SYNPO2: variants seen among roughly 807,000 people sequenced by gnomAD.
The protein encoded by SYNPO2 is synaptopodin 2, also known as synaptopodin-2.
SYNPO2 carries 56 observed loss-of-function variants against 85.0 expected under a neutral mutation model. The ratio of observed to expected loss-of-function variants is 0.66; its 90% CI spans 0.53 to 0.82. The LOEUF (loss-of-function observed/expected upper bound fraction) is 0.82. Ranked by LOEUF, SYNPO2 falls within the 40% of genes least tolerant of loss-of-function variation. SYNPO2 has a pLI of 0.00. For missense variants in SYNPO2, 1,575 were observed against 1,534.2 expected, an observed-to-expected ratio of 1.03 and a Z score of -0.44; for synonymous variants, 602 against 591.1, an observed-to-expected ratio of 1.02 and a Z score of -0.27.
chr4:118,964,314 A>G (rs1166591468), intron 1 of SYNPO2, among the ~76,000 whole-genome samples: 9 of 149,462 alleles, frequency 6.0e-5, no homozygotes, highest in Non-Finnish European at 7.4e-5. Context: ...ACACACACAC[A>G]CACACACACA....
At chr4:118,993,082 G>A (rs1736468141) in intron 1 of SYNPO2, among the ~76,000 whole-genome samples, 1 of 152,142 alleles carries the variant, frequency 6.6e-6, no homozygotes, top group African/African-American at 2.4e-5. Flanking sequence ...CGAGTTAATG[G>A]GAAACCAGTG....
At chr4:118,993,042 T>C (rs912196119) in intron 1 of SYNPO2, among the ~76,000 whole-genome samples, 30 of 152,088 alleles carry the variant, frequency 2.0e-4, no homozygotes, top group African/African-American at 7.2e-4. Context: ...CCAAGCAGAG[T>C]CGATCTGCAA....
At chr4:118,958,097 ACTT>A (rs991322914) in intron 1 of SYNPO2, among the ~76,000 whole-genome samples, 1 of 152,100 alleles carries the variant, frequency 6.6e-6, no homozygotes, top group Admixed American at 6.6e-5. Flanking sequence ...ATGTCTTGAC[ACTT>A]CTTCTGCTTT....
At chr4:118,900,703 C>CTCTCTCTCTCTCTATA (rs1277981772) in intron 1 of SYNPO2, among the ~76,000 whole-genome samples, 17 of 43,888 alleles carry the variant, frequency 3.9e-4, no homozygotes, top group Non-Finnish European at 5.5e-4. Flanking sequence ...CTCTCTCTCT[C>CTCTCTCTCTCTCTATA]TATATATATA....
intron 1 of SYNPO2, among the ~76,000 whole-genome samples, chr4:119,005,097 GT>G (rs1471570985): frequency 6.6e-6 from 1 of 152,046 alleles, no homozygotes; most frequent in Non-Finnish European, 1.5e-5. Flanking sequence ...TTGTAAATTT[GT>G]TTGAGTTCAT....
chr4:119,027,234 G>C lies in SYNPO2; in HGVS notation c.865G>C (p.Asp289His). The change falls in exon 3 of 5, where the codon GAC becomes CAC. Residue 289 changes from aspartate to histidine, a missense_variant. By Grantham distance (81) the Asp-to-His change is moderately conservative. Coordinates refer to ENST00000307142, the MANE Select transcript of SYNPO2 (RefSeq NM_133477.3). ...AGLPRVEVIL[D>H]CSDRQKTEGC... ...ACTGCCCCGGGTGGAAGTGATCCTC[G>C]ACTGCTCTGACAGGCAGAAGACAGA... 1.2e-6 allele frequency: 2 copies of C among 1,614,106 alleles called. No homozygotes were observed. The highest frequency in any genetic ancestry group is 1.7e-6 in the Non-Finnish European group (2 of 1,180,016).
chr4:119,022,392 G>T (rs1309705620), intron 1 of SYNPO2, among the ~76,000 whole-genome samples: 1 of 151,780 alleles, frequency 6.6e-6, no homozygotes, highest in Non-Finnish European at 1.5e-5. Flanking sequence ...GAGTGCAGTG[G>T]CATGATCTTG....
chr4:118,972,497 A>G (rs999682150), intron 1 of SYNPO2, among the ~76,000 whole-genome samples: 1 of 152,180 alleles, frequency 6.6e-6, no homozygotes, highest in Non-Finnish European at 1.5e-5. Context: ...ATTCCCTTAC[A>G]TTTCCCCAAA....
At chr4:118,977,319 C>CG (rs1553943059) in intron 1 of SYNPO2, among the ~76,000 whole-genome samples, 5 of 152,228 alleles carry the variant, frequency 3.3e-5, no homozygotes, top group Admixed American at 6.5e-5. Context: ...TGCCCGAGGC[C>CG]GCAGGGCTGG....
Position 119,030,326 on chromosome 4 carries a change from G to C in SYNPO2, c.1551G>C (p.Thr517=). 1 of 1,614,020 alleles carries C rather than the reference G, an allele frequency of 6.2e-7. No homozygotes were observed. The change falls in exon 4 of 5, where the codon ACG becomes ACC. Residue 517 remains threonine, a synonymous_variant. Transcript: ENST00000307142. ...AQKEEDKVGG[T]PSREQDAAQT... ...AAGAAGAGGACAAGGTAGGTGGAACGCCAAGCAGAGAACAAGATGCTGCCC... is the reference window on the plus strand; with the variant it reads ...AAGAAGAGGACAAGGTAGGTGGAACCCCAAGCAGAGAACAAGATGCTGCCC...
chr4:118,928,044 A>G (rs758166592), intron 1 of SYNPO2, among the ~76,000 whole-genome samples: 12 of 152,316 alleles, frequency 7.9e-5, no homozygotes, highest in South Asian at 4.1e-4. Context: ...TGCAGAGGCC[A>G]GGCTGCTTGG....
At chr4:118,941,507 C>T (rs1216697814) in intron 1 of SYNPO2, among the ~76,000 whole-genome samples, 2 of 152,172 alleles carry the variant, frequency 1.3e-5, no homozygotes, top group African/African-American at 2.4e-5. Flanking sequence ...TGAATCTGCC[C>T]TCCCAGTCTC....
intron 1 of SYNPO2, among the ~76,000 whole-genome samples, chr4:118,938,498 A>C (rs1489555647): frequency 1.3e-5 from 2 of 152,200 alleles, no homozygotes; most frequent in Non-Finnish European, 2.9e-5. Flanking sequence ...TATTGTTTTA[A>C]GATGCTTACA....
At chr4:118,865,884 G>A (rs528159541) in intron 1 of SYNPO2, among the ~76,000 whole-genome samples, 1 of 152,276 alleles carries the variant, frequency 6.6e-6, no homozygotes, top group South Asian at 2.1e-4. Context: ...GTGTTTGTAG[G>A]ATAATTGTAA....
chr4:118,917,774 A>G (rs549744075), intron 1 of SYNPO2, among the ~76,000 whole-genome samples: 27 of 152,350 alleles, frequency 1.8e-4, no homozygotes, highest in African/African-American at 5.8e-4. Context: ...ATGCTTTTGA[A>G]AAGAGATTTT....
chr4:119,036,845 T>C, intron 4 of SYNPO2: 1 of 1,086,340 alleles, frequency 9.2e-7, no homozygotes, highest in South Asian at 4.3e-5. Context: ...AAGAGAAATT[T>C]AATTTTAAAT....
intron 3 of SYNPO2, among the ~76,000 whole-genome samples, chr4:119,029,192 G>A (rs1265727255): frequency 1.3e-5 from 2 of 151,848 alleles, no homozygotes; most frequent in Non-Finnish European, 2.9e-5. Flanking sequence ...GTCATATTTT[G>A]AATTTTAATT....
At chr4:118,921,884 T>G (rs1451297760) in intron 1 of SYNPO2, among the ~76,000 whole-genome samples, 1 of 152,132 alleles carries the variant, frequency 6.6e-6, no homozygotes. Context: ...GATTAACTTT[T>G]GTCACCTCTC....
intron 1 of SYNPO2, among the ~76,000 whole-genome samples, chr4:118,986,710 T>C (rs181987354): frequency 1.3e-5 from 2 of 152,310 alleles, no homozygotes; most frequent in East Asian, 3.9e-4. Flanking sequence ...CATAGACCTT[T>C]TCTGAGAGGG....
Sources: gnomAD v4.1 joint callset for allele counts (sites outside exome capture counted in the v4.1 genomes callset) on GRCh38, gnomAD v4.1.1 for gene constraint, MANE v1.5 for transcripts, NCBI Gene and HGNC (gene_info 2026-07-23, HGNC 2026-07-21) for gene names.